Variants in ZNF775 observed in about 807,000 individuals in gnomAD.
ZNF775 encodes zinc finger protein 775.
In ZNF775, 1 loss-of-function variant was observed where a neutral mutation model predicts 2.4. The ratio of observed to expected loss-of-function variants is 0.41; its 90% CI spans 0.15 to 1.94. The LOEUF (loss-of-function observed/expected upper bound fraction) is 1.94. Among genes scored for constraint, ZNF775 ranks in the 30% most tolerant of loss-of-function variants. ZNF775 has a pLI of 0.30. For synonymous variants in ZNF775, 381 were observed against 373.3 expected (o/e 1.02, Z -0.24); for missense variants, 823 against 826.6 (o/e 1.00, Z 0.05).
At chr7:150,394,891 G>C (rs1382794446) in intron 2 of ZNF775, among the ~76,000 whole-genome samples, 1 of 152,170 alleles carries the variant, frequency 6.6e-6, no homozygotes, top group Non-Finnish European at 1.5e-5. Flanking sequence ...CTTTGCTAAT[G>C]TTTGTGTCTA....
intron 2 of ZNF775, among the ~76,000 whole-genome samples, chr7:150,396,303 C>T (rs1049421250): frequency 2.6e-5 from 4 of 152,158 alleles, no homozygotes; most frequent in Non-Finnish European, 5.9e-5. Context: ...CCTTGTTGTC[C>T]TTTCTGCCTT....
intron 2 of ZNF775, 34 bp downstream of exon 2, chr7:150,388,535 G>A: frequency 6.4e-7 from 1 of 1,551,352 alleles, no homozygotes; most frequent in Non-Finnish European, 8.7e-7. Context: ...AGGGGAGCGG[G>A]GTCTCCTCTG....
chr7:150,397,906 G>T lies in ZNF775; in HGVS notation c.1425G>T (p.Pro475=), dbSNP rs1040986685. 12 of 1,601,442 alleles carry T rather than the reference G, an allele frequency of 7.5e-6. No homozygotes were observed. Among genetic ancestry groups the T allele is most frequent in the Non-Finnish European group, 1.0e-5 (12 of 1,178,380 alleles). ...QRIHTGERPY[P]CPECGRRFSQ... Reference sequence around the variant, plus strand: ...TCCACACGGGTGAGCGGCCCTACCCGTGCCCCGAGTGCGGCCGCCGCTTCA... The same window carrying T: ...TCCACACGGGTGAGCGGCCCTACCCTTGCCCCGAGTGCGGCCGCCGCTTCA... Residue 475 remains proline, a synonymous_variant, in exon 3 of 3, where the codon CCG becomes CCT. Coordinates refer to ENST00000329630, the MANE Select transcript of ZNF775 (RefSeq NM_173680.4).
chr7:150,379,653 A>C (rs1421085589), intron 1 of ZNF775, among the ~76,000 whole-genome samples: 1 of 152,078 alleles, frequency 6.6e-6, no homozygotes, highest in African/African-American at 2.4e-5. Context: ...GCGCCAGGCC[A>C]GGGCAGCGAG....
chr7:150,396,990 G>T lies in ZNF775; in HGVS notation c.509G>T (p.Arg170Leu). 6.3e-7 allele frequency: 1 copy of T among 1,598,952 alleles called. No individual in the cohort carries two copies. The highest frequency in any genetic ancestry group is 8.5e-7 in the Non-Finnish European group (1 of 1,178,886). The change falls in exon 3 of 3, where the codon CGG becomes CTG. Residue 170 changes from arginine to leucine, a missense_variant. Transcript: ENST00000329630. ...CCCTTCTGCTGCCCCGAGTGCGCGC[G>T]GCGCTTCAGCCAGAAGCAGCACCTG... ...ERPFCCPECA[R>L]RFSQKQHLLK...
At chr7:150,390,162 G>A (rs1052920695) in intron 2 of ZNF775, among the ~76,000 whole-genome samples, 3 of 151,906 alleles carry the variant, frequency 2.0e-5, no homozygotes, top group Admixed American at 1.3e-4. Context: ...CCATTATTTC[G>A]GGACTCTCCA....
Position 150,397,530 on chromosome 7 carries a change from A to G in ZNF775, c.1049A>G (p.Gln350Arg). 6.4e-7 allele frequency: 1 copy of G among 1,559,448 alleles called. No homozygotes were observed. The highest frequency in any genetic ancestry group is 1.1e-5 in the South Asian group (1 of 87,194). ...TGTGGCCGCGGCTTCCGCCAGAAGC[A>G]GCACCTGCTCAAGCACCTGCGCACG... ...PHCGRGFRQK[Q>R]HLLKHLRTHL... Residue 350 changes from glutamine to arginine, a missense_variant, in exon 3 of 3, where the codon CAG becomes CGG. By Grantham distance (43) the Gln-to-Arg change is conservative. Transcript: ENST00000329630.
At chr7:150,392,491 A>G (rs1563259174) in intron 2 of ZNF775, among the ~76,000 whole-genome samples, 1 of 152,162 alleles carries the variant, frequency 6.6e-6, no homozygotes, top group Non-Finnish European at 1.5e-5. Flanking sequence ...GCCAATAACA[A>G]TAACAACTGT....
Position 150,397,715 on chromosome 7 carries a change from T to C in ZNF775, c.1234T>C (p.Leu412=), listed in dbSNP as rs776954478. Residue 412 remains leucine (L), a synonymous_variant, in exon 3 of 3, where the codon TTG becomes CTG. Coordinates refer to ENST00000329630, the MANE Select transcript of ZNF775 (RefSeq NM_173680.4). ...DQPQAEAIPG[L]AARPRSSQRS... ...GCCGCAGGCCGAGGCCATCCCGGGCTTGGCCGCGAGGCCGCGGAGCTCCCA... is the reference window on the plus strand; with the variant it reads ...GCCGCAGGCCGAGGCCATCCCGGGCCTGGCCGCGAGGCCGCGGAGCTCCCA... The C allele has an allele frequency of 1.2e-5, 17 of 1,406,442 alleles. No homozygotes were observed. The South Asian group carries it at 2.6e-4, about 21-fold the overall frequency. 87.1% of individuals were successfully genotyped at this position (1,406,442 alleles called of 1,614,324 possible). A position where few individuals can be genotyped will look rare whatever the true frequency, so the allele number is the denominator to read the frequency against.
At chr7:150,388,556 G>A (rs894443400) in intron 2 of ZNF775, 55 bp downstream of exon 2, 46 of 1,547,374 alleles carry the variant, frequency 3.0e-5, no homozygotes, top group South Asian at 4.8e-5. Flanking sequence ...CTGAGGTCAC[G>A]TGCCCTTATC....
chr7:150,393,083 T>C (rs1800588223), intron 2 of ZNF775, among the ~76,000 whole-genome samples: 1 of 152,192 alleles, frequency 6.6e-6, no homozygotes. Flanking sequence ...ATCACTATTA[T>C]AGTATCATAC....
intron 1 of ZNF775, among the ~76,000 whole-genome samples, chr7:150,381,697 A>G (rs1232656666): frequency 1.3e-5 from 2 of 152,174 alleles, no homozygotes; most frequent in African/African-American, 2.4e-5. Context: ...AGCAAACCCA[A>G]TCTCAGTCCC....
rs1212472631 is a variant in ZNF775, at chr7:150,381,744, C to T, written c.-50+2352C>T. On this transcript the variant is annotated intron_variant, in intron 1 of 2. Coordinates refer to ENST00000329630, the MANE Select transcript of ZNF775 (RefSeq NM_173680.4). ...TCTCAGCGGCTTTTTCCACTATGGCCTGTTCTTTGGGTTGGACAGTGGCCC... is the reference window on the plus strand; with the variant it reads ...TCTCAGCGGCTTTTTCCACTATGGCTTGTTCTTTGGGTTGGACAGTGGCCC... Among the ~76,000 whole-genome samples, 4 of 152,130 alleles carry T rather than the reference C, an allele frequency of 2.6e-5. 1 individual carries two copies. Among genetic ancestry groups the T allele is most frequent in the East Asian group, 1.9e-4 (1 of 5,184 alleles).
intron 2 of ZNF775, among the ~76,000 whole-genome samples, chr7:150,391,280 G>A (rs543377455): frequency 3.3e-5 from 5 of 152,164 alleles, no homozygotes; most frequent in East Asian, 1.9e-4. Flanking sequence ...GGCCCAGTTC[G>A]GTGGATCACC....
intron 2 of ZNF775, 83 bp downstream of exon 2, chr7:150,388,584 C>A: frequency 6.7e-7 from 1 of 1,490,368 alleles, no homozygotes; most frequent in South Asian, 1.2e-5. Context: ...AAGCCAGGCG[C>A]GAGCCAGTGC....
At chr7:150,386,852 G>T (rs1007080318) in intron 1 of ZNF775, among the ~76,000 whole-genome samples, 1 of 152,220 alleles carries the variant, frequency 6.6e-6, no homozygotes, top group Non-Finnish European at 1.5e-5. Context: ...CCCTCTGTGT[G>T]CCCGGCTCTG....
chr7:150,390,147 C>T (rs369898120), intron 2 of ZNF775, among the ~76,000 whole-genome samples: 2 of 151,958 alleles, frequency 1.3e-5, no homozygotes, highest in Non-Finnish European at 2.9e-5. Flanking sequence ...GACTGAGGAG[C>T]GGTGCCATTA....
chr7:150,386,789 C>T (rs1800461598), intron 1 of ZNF775, among the ~76,000 whole-genome samples: 1 of 152,172 alleles, frequency 6.6e-6, no homozygotes, highest in African/African-American at 2.4e-5. Flanking sequence ...TCAGGCTGCA[C>T]AGCTCCTGGC....
At chr7:150,387,999 C>G (rs140282868) in intron 1 of ZNF775, among the ~76,000 whole-genome samples, 1 of 151,994 alleles carries the variant, frequency 6.6e-6, no homozygotes, top group African/African-American at 2.4e-5. Flanking sequence ...TTCTGCCTTC[C>G]GGGTGCATTC....
Sources: allele counts gnomAD v4.1 joint callset (sites outside exome capture counted in the v4.1 genomes callset), GRCh38; gene constraint gnomAD v4.1.1; transcripts MANE v1.5; gene names NCBI Gene and HGNC (gene_info 2026-07-23, HGNC 2026-07-21).